Variants in MAGI2 observed in about 807,000 individuals in gnomAD.
The protein encoded by MAGI2 is membrane associated guanylate kinase, WW and PDZ domain containing 2.
A neutral mutation model predicts 133.3 loss-of-function variants in MAGI2; 35 were observed. That is an observed-to-expected ratio of 0.26 (90% CI 0.20 to 0.35). The LOEUF (loss-of-function observed/expected upper bound fraction) is 0.35. Among genes scored for constraint, MAGI2 ranks in the 10% least tolerant of loss-of-function variants. MAGI2 has a pLI of 1.00. For synonymous variants in MAGI2, 729 were observed against 710.6 expected, an observed-to-expected ratio of 1.03 and a Z score of -0.41; for missense variants, 1,636 against 1,863.4, an observed-to-expected ratio of 0.88 and a Z score of 2.25.
rs1811225491 is a variant in MAGI2 at position 79,037,372 on chromosome 7, TAAGGA to T, written c.302-30171_302-30167del. 5.9e-5 allele frequency among the ~76,000 whole-genome samples: 9 copies of T among 152,194 alleles called. No individual in the cohort carries two copies. The South Asian group carries it at 1.7e-3, about 28-fold the overall frequency. ...GACTACGTACTAGGAATTGTTGCTTTAAGGAAAGGATCTAGTTATTCTTTCTATTA... is the reference window on the plus strand; with the variant it reads ...GACTACGTACTAGGAATTGTTGCTTTAAGGATCTAGTTATTCTTTCTATTA... On this transcript the variant is annotated intron_variant, in intron 1 of 21. Transcript: ENST00000354212.
intron 8 of MAGI2, 93 bp downstream of exon 8, chr7:78,345,829 C>T (rs1790847426): frequency 6.5e-7 from 1 of 1,537,860 alleles, no homozygotes. Context: ...ATCAATTTTT[C>T]AAAATGGTCC....
intron 10 of MAGI2, among the ~76,000 whole-genome samples, chr7:78,243,346 T>G (rs889523198): frequency 6.6e-6 from 1 of 152,136 alleles, no homozygotes; most frequent in African/African-American, 2.4e-5. Flanking sequence ...TATGGTGTTA[T>G]GTATATTATA....
intron 10 of MAGI2, among the ~76,000 whole-genome samples, chr7:78,232,429 C>A (rs1305731128): frequency 3.9e-5 from 6 of 152,100 alleles, no homozygotes; most frequent in African/African-American, 1.4e-4. Context: ...TACATGTGAG[C>A]AAGGCTATTT....
intron 1 of MAGI2, among the ~76,000 whole-genome samples, chr7:79,094,150 C>A (rs1298533448): frequency 6.6e-6 from 1 of 152,228 alleles, no homozygotes. Flanking sequence ...TCCTTTCAAA[C>A]CCTGCTGCTG....
At chr7:78,194,193 G>T (rs887591285) in intron 12 of MAGI2, among the ~76,000 whole-genome samples, 3 of 152,206 alleles carry the variant, frequency 2.0e-5, no homozygotes, top group African/African-American at 7.2e-5. Context: ...TGACTTGCAA[G>T]ATGGTAGAAA....
intron 3 of MAGI2, among the ~76,000 whole-genome samples, chr7:78,601,010 A>AT (rs1187091973): frequency 6.6e-6 from 1 of 152,186 alleles, no homozygotes; most frequent in African/African-American, 2.4e-5. Flanking sequence ...AAAATATGTT[A>AT]TTTTGTCAAC....
At chr7:78,175,229 A>G (rs1563217291) in intron 14 of MAGI2, among the ~76,000 whole-genome samples, 2 of 152,164 alleles carry the variant, frequency 1.3e-5, no homozygotes, top group African/African-American at 4.8e-5. Flanking sequence ...ATAACTATAG[A>G]AGGTGCTAGG....
intron 1 of MAGI2, among the ~76,000 whole-genome samples, chr7:79,059,953 T>C (rs560449968): frequency 6.6e-6 from 1 of 152,258 alleles, no homozygotes; most frequent in East Asian, 1.9e-4. Context: ...CATAGGTCAA[T>C]CCTATGTTGT....
intron 2 of MAGI2, among the ~76,000 whole-genome samples, chr7:79,005,630 T>A (rs1015447978): frequency 6.6e-6 from 1 of 152,204 alleles, no homozygotes; most frequent in Non-Finnish European, 1.5e-5. Flanking sequence ...CTTTTAAACA[T>A]AATAAACAGC....
At chr7:78,368,764 C>T (rs1001563899) in intron 7 of MAGI2, among the ~76,000 whole-genome samples, 2 of 152,026 alleles carry the variant, frequency 1.3e-5, no homozygotes, top group Non-Finnish European at 2.9e-5. Flanking sequence ...TTTTATTTTT[C>T]AACTAAAAAA....
intron 1 of MAGI2, among the ~76,000 whole-genome samples, chr7:79,011,706 C>A (rs1808113685): frequency 6.6e-6 from 1 of 152,240 alleles, no homozygotes; most frequent in South Asian, 2.1e-4. Flanking sequence ...GTGCTTCAGT[C>A]AAAGCAAACT....
At chr7:79,284,739 C>T (rs187722192) in intron 1 of MAGI2, among the ~76,000 whole-genome samples, 4 of 152,140 alleles carry the variant, frequency 2.6e-5, no homozygotes, top group East Asian at 1.9e-4. Flanking sequence ...TCAATTGGAA[C>T]GTTACCAGAA....
chr7:79,216,729 A>G (rs2129553163), intron 1 of MAGI2, among the ~76,000 whole-genome samples: 1 of 152,156 alleles, frequency 6.6e-6, no homozygotes, highest in East Asian at 1.9e-4. Context: ...ATGCATATAC[A>G]CACATTAATA....
intron 2 of MAGI2, among the ~76,000 whole-genome samples, chr7:78,731,074 T>C (rs755725647): frequency 1.3e-5 from 2 of 152,096 alleles, no homozygotes; most frequent in Admixed American, 6.5e-5. Flanking sequence ...TGTTCTACAA[T>C]CCATTTTCTC....
At chr7:79,405,603 T>C (rs1340315294) in intron 1 of MAGI2, among the ~76,000 whole-genome samples, 1 of 152,138 alleles carries the variant, frequency 6.6e-6, no homozygotes, top group East Asian at 1.9e-4. Flanking sequence ...TGCTAGTATG[T>C]TTCTTGTTAT....
intron 9 of MAGI2, among the ~76,000 whole-genome samples, chr7:78,328,530 C>CACACACACACACACACACACACACA (rs10525463): frequency 0.013 from 1,568 of 124,488 alleles, 25 homozygotes; most frequent in African/African-American, 0.02. Context: ...CACACACACA[C>CACACACACACACACACACACACACA]CCCTCTCTCT....
At chr7:79,066,905 A>T (rs1304925490) in intron 1 of MAGI2, among the ~76,000 whole-genome samples, 2 of 151,914 alleles carry the variant, frequency 1.3e-5, no homozygotes, top group Admixed American at 1.3e-4. Flanking sequence ...ATTTGTCAAA[A>T]AACAGATGGT....
chr7:79,021,553 A>C (rs1197566043), intron 1 of MAGI2, among the ~76,000 whole-genome samples: 2 of 152,212 alleles, frequency 1.3e-5, no homozygotes, highest in Non-Finnish European at 2.9e-5. Context: ...TCAAGTTTGC[A>C]TGGGGCCGGT....
At chr7:79,125,400 G>T (rs1820318334) in intron 1 of MAGI2, 3 of 487,436 alleles carry the variant, frequency 6.2e-6, no homozygotes, top group Admixed American at 2.2e-5. Context: ...GAAACCTCAG[G>T]GGTCATGGTG....
Sources: gnomAD v4.1 joint callset for allele counts (sites outside exome capture counted in the v4.1 genomes callset) on GRCh38, gnomAD v4.1.1 for gene constraint, MANE v1.5 for transcripts, NCBI Gene and HGNC (gene_info 2026-07-23, HGNC 2026-07-21) for gene names.